PALM2AKAP2: variants seen among roughly 807,000 people sequenced by gnomAD.
The protein encoded by PALM2AKAP2 is PALM2 and AKAP2 fusion.
Under a neutral mutation model 71.5 loss-of-function variants are expected in PALM2AKAP2, and 37 were observed. The observed-to-expected ratio is 0.52, with a 90% confidence interval of 0.40 to 0.68. The LOEUF (loss-of-function observed/expected upper bound fraction) is 0.68, where lower values mean the gene tolerates loss of function less well. Among genes scored for constraint, PALM2AKAP2 ranks in the 30% least tolerant of loss-of-function variants. The pLI, the probability that PALM2AKAP2 is intolerant of heterozygous loss-of-function variation, is 0.00. For synonymous variants in PALM2AKAP2, 468 were observed against 478.8 expected (o/e 0.98, Z 0.29); for missense variants, 1,224 against 1,191.8 (o/e 1.03, Z -0.40).
At chr9:110,053,154 C>A (rs1157699692) in intron 1 of PALM2AKAP2, among the ~76,000 whole-genome samples, 3 of 152,178 alleles carry the variant, frequency 2.0e-5, no homozygotes, top group Non-Finnish European at 4.4e-5. Context: ...CCTCCTTTTC[C>A]CTTTCGTGCT....
chr9:110,144,846 A>T (rs59539984), intron 2 of PALM2AKAP2, among the ~76,000 whole-genome samples: 104,003 of 152,046 alleles, frequency 0.68, 35,788 homozygotes, highest in East Asian at 0.97. Flanking sequence ...ACCTGTAATA[A>T]TATTCTTTTT....
At chr9:109,901,736 G>A (rs1830335579) in intron 3 of PALM2AKAP2, among the ~76,000 whole-genome samples, 1 of 152,214 alleles carries the variant, frequency 6.6e-6, no homozygotes, top group Non-Finnish European at 1.5e-5. Context: ...AGGTAGAGAA[G>A]TCAAGGGCAG....
chr9:110,020,512 A>G (rs991448465), intron 7 of PALM2AKAP2, among the ~76,000 whole-genome samples: 2 of 151,664 alleles, frequency 1.3e-5, no homozygotes, highest in African/African-American at 4.8e-5. Context: ...ATGAAACCCC[A>G]TCTCTACTAA....
intron 1 of PALM2AKAP2, among the ~76,000 whole-genome samples, chr9:109,734,920 A>G (rs924953824): frequency 1.3e-5 from 2 of 152,030 alleles, no homozygotes; most frequent in Non-Finnish European, 2.9e-5. Flanking sequence ...CTGGAGAAAT[A>G]GATCCAAGCC....
intron 1 of PALM2AKAP2, among the ~76,000 whole-genome samples, chr9:109,807,490 G>A (rs913494060): frequency 3.3e-5 from 5 of 151,854 alleles, no homozygotes; most frequent in Admixed American, 1.3e-4. Context: ...CCTGTTTCCT[G>A]GTTCATAGAT....
chr9:110,123,968 A>G (rs906326868), intron 1 of PALM2AKAP2, among the ~76,000 whole-genome samples: 13 of 152,320 alleles, frequency 8.5e-5, no homozygotes, highest in African/African-American at 2.2e-4. Context: ...GAACATTCCA[A>G]TTATTCCACA....
chr9:109,990,448 A>G (rs918491408), intron 6 of PALM2AKAP2, among the ~76,000 whole-genome samples: 17 of 152,196 alleles, frequency 1.1e-4, no homozygotes, highest in African/African-American at 3.9e-4. Context: ...GGTGTGGCAC[A>G]GTGAGCCCAC....
chr9:109,897,943 T>C (rs1057250148), intron 3 of PALM2AKAP2, among the ~76,000 whole-genome samples: 11 of 152,184 alleles, frequency 7.2e-5, no homozygotes, highest in Non-Finnish European at 2.9e-5. Context: ...CCATTTACTG[T>C]TTGGATTAAA....
At chr9:110,013,785 G>C (rs777603487) in intron 6 of PALM2AKAP2, among the ~76,000 whole-genome samples, 1 of 152,056 alleles carries the variant, frequency 6.6e-6, no homozygotes, top group Non-Finnish European at 1.5e-5. Context: ...CATTAATTTC[G>C]TATTAATTTA....
intron 6 of PALM2AKAP2, among the ~76,000 whole-genome samples, chr9:109,972,851 T>C (rs1245227760): frequency 6.6e-6 from 1 of 152,244 alleles, no homozygotes; most frequent in African/African-American, 2.4e-5. Context: ...CTAATATGTA[T>C]AACGGACTTA....
chr9:109,740,934 G>A (rs1828707433), intron 1 of PALM2AKAP2, among the ~76,000 whole-genome samples: 2 of 152,180 alleles, frequency 1.3e-5, no homozygotes, highest in Admixed American at 6.5e-5. Context: ...TTACAGGTGT[G>A]AGCCACTGCA....
intron 1 of PALM2AKAP2, among the ~76,000 whole-genome samples, chr9:109,809,669 T>C (rs931594670): frequency 2.6e-5 from 4 of 152,154 alleles, no homozygotes; most frequent in African/African-American, 9.7e-5. Flanking sequence ...TGCTTTGACA[T>C]GTGAGGACCT....
chr9:110,129,668 C>T (rs73655312), intron 1 of PALM2AKAP2, among the ~76,000 whole-genome samples: 3,652 of 152,328 alleles, frequency 0.024, 162 homozygotes, highest in African/African-American at 0.084. Context: ...GCCACACTTA[C>T]AGCATGCCCA....
At chr9:109,791,695 G>A (rs147403778) in intron 1 of PALM2AKAP2, among the ~76,000 whole-genome samples, 1 of 152,274 alleles carries the variant, frequency 6.6e-6, no homozygotes, top group African/African-American at 2.4e-5. Context: ...GGTTGACTTG[G>A]CTGAGCTTTT....
At chr9:110,088,971 T>C (rs1050558791) in intron 1 of PALM2AKAP2, among the ~76,000 whole-genome samples, 44 of 152,196 alleles carry the variant, frequency 2.9e-4, no homozygotes, top group African/African-American at 1.0e-3. Context: ...CCACCTGCGT[T>C]GGCCTCCCAA....
chr9:109,985,102 G>A (rs1832348274), intron 6 of PALM2AKAP2, among the ~76,000 whole-genome samples: 1 of 151,968 alleles, frequency 6.6e-6, no homozygotes, highest in Non-Finnish European at 1.5e-5. Flanking sequence ...CTTGAATCAA[G>A]GAGGCAGAGG....
In PALM2AKAP2 at chr9:110,064,930, T is replaced by C. The variant is rs191026344; in HGVS notation, c.156+16075T>C. 1.6e-4 allele frequency among the ~76,000 whole-genome samples: 25 copies of C among 152,324 alleles called. 1 individual carries two copies. The East Asian group carries it at 4.4e-3, about 27-fold the overall frequency. On this transcript the variant is annotated intron_variant, in intron 1 of 3. Transcript: ENST00000374525. Reference sequence around the variant, plus strand: ...AGGCTGAGGTCTTAAAGACATACTTTCTTGGGAGTTTGATGTTTCCTCTTG... The same window carrying C: ...AGGCTGAGGTCTTAAAGACATACTTCCTTGGGAGTTTGATGTTTCCTCTTG...
At chr9:110,133,461 C>A (rs1835778760) in intron 1 of PALM2AKAP2, among the ~76,000 whole-genome samples, 1 of 152,076 alleles carries the variant, frequency 6.6e-6, no homozygotes, top group Admixed American at 6.5e-5. Context: ...TATGACCCTG[C>A]AGAATAACCT....
intron 3 of PALM2AKAP2, among the ~76,000 whole-genome samples, chr9:109,885,187 T>C (rs75115771): frequency 0.01 from 1,579 of 152,332 alleles, 19 homozygotes; most frequent in African/African-American, 0.036. Context: ...GACATGTTTT[T>C]TTCCAAAATG....
Sources: gnomAD v4.1 joint callset for allele counts (sites outside exome capture counted in the v4.1 genomes callset) on GRCh38, gnomAD v4.1.1 for gene constraint, MANE v1.5 for transcripts, NCBI Gene and HGNC (gene_info 2026-07-23, HGNC 2026-07-21) for gene names.